SFMBT1: variants seen among roughly 807,000 people sequenced by gnomAD.
SFMBT1 encodes the protein scm-like with four MBT domains protein 1.
SFMBT1 carries 32 observed loss-of-function variants against 108.7 expected under a neutral mutation model. The observed-to-expected ratio is 0.29, with a 90% CI of 0.22 to 0.40. SFMBT1 has a LOEUF of 0.40. Ranked by LOEUF, SFMBT1 falls within the 10% of genes least tolerant of loss-of-function variation. The pLI is 1.00. For synonymous variants in SFMBT1, 348 were observed against 369.5 expected, an observed-to-expected ratio of 0.94 and a Z score of 0.67; for missense variants, 816 against 1,059.6, an observed-to-expected ratio of 0.77 and a Z score of 3.19.
At chr3:52,971,442 T>C (rs968354351) in intron 1 of SFMBT1, among the ~76,000 whole-genome samples, 3 of 151,954 alleles carry the variant, frequency 2.0e-5, no homozygotes, top group Non-Finnish European at 4.4e-5. Flanking sequence ...AACTTGAGAG[T>C]GATGTTTAAG....
intron 14 of SFMBT1, among the ~76,000 whole-genome samples, chr3:52,914,456 G>C (rs1702293466): frequency 6.6e-6 from 1 of 152,204 alleles, no homozygotes; most frequent in South Asian, 2.1e-4. Flanking sequence ...GCCAGGTGTT[G>C]TGGCTCATGC....
At chr3:52,991,143 C>T (rs13064820) in intron 1 of SFMBT1, among the ~76,000 whole-genome samples, 1 of 152,058 alleles carries the variant, frequency 6.6e-6, no homozygotes, top group African/African-American at 2.4e-5. Context: ...GCTGGTGACT[C>T]TAAAAGTTAG....
At chr3:52,993,623 A>G (rs1370402473) in intron 1 of SFMBT1, among the ~76,000 whole-genome samples, 2 of 150,118 alleles carry the variant, frequency 1.3e-5, no homozygotes, top group Non-Finnish European at 3.0e-5. Context: ...ACAACTATGT[A>G]GAAACACTAC....
At chr3:52,937,257 T>C (rs1176162199) in intron 4 of SFMBT1, among the ~76,000 whole-genome samples, 1 of 152,194 alleles carries the variant, frequency 6.6e-6, no homozygotes, top group Admixed American at 6.5e-5. Context: ...GATTTTTTCT[T>C]TGCATTTTTT....
At chr3:53,032,159 CA>C (rs1699707900) in intron 1 of SFMBT1, among the ~76,000 whole-genome samples, 1 of 152,194 alleles carries the variant, frequency 6.6e-6, no homozygotes, top group South Asian at 2.1e-4. Context: ...TGTTTGAGGT[CA>C]GGGGTTCAAG....
At chr3:53,019,592 C>T (rs1038291810) in intron 1 of SFMBT1, among the ~76,000 whole-genome samples, 1 of 152,178 alleles carries the variant, frequency 6.6e-6, no homozygotes, top group African/African-American at 2.4e-5. Context: ...CTGTTGATGG[C>T]TTCCTCATCC....
intron 2 of SFMBT1, among the ~76,000 whole-genome samples, chr3:52,955,072 G>A (rs564687482): frequency 6.6e-6 from 1 of 152,216 alleles, no homozygotes; most frequent in African/African-American, 2.4e-5. Context: ...GAATAGAACT[G>A]AAGGAGATAG....
At chr3:52,963,962 G>C (rs889778275) in intron 2 of SFMBT1, among the ~76,000 whole-genome samples, 1 of 152,160 alleles carries the variant, frequency 6.6e-6, no homozygotes, top group Non-Finnish European at 1.5e-5. Flanking sequence ...AAAGGGAAGA[G>C]ATACAAGCAT....
chr3:52,923,881 T>C (rs1702583735), intron 10 of SFMBT1, among the ~76,000 whole-genome samples: 1 of 148,286 alleles, frequency 6.7e-6, no homozygotes, highest in African/African-American at 2.6e-5. Context: ...AGAAAGAAAG[T>C]GCCCACTGAG....
chr3:52,913,681 A>G (rs1702269218), intron 14 of SFMBT1, 64 bp from the exon 15 acceptor site: 1 of 1,566,280 alleles, frequency 6.4e-7, no homozygotes, highest in African/African-American at 1.4e-5. Flanking sequence ...TCCAAAGCTG[A>G]ACTGCCAGGG....
chr3:52,968,544 A>C (rs1296569929), intron 2 of SFMBT1, among the ~76,000 whole-genome samples: 2 of 152,170 alleles, frequency 1.3e-5, no homozygotes, highest in Non-Finnish European at 2.9e-5. Flanking sequence ...ATAACTAGAA[A>C]GTAATCATCA....
At chr3:52,945,810 C>CAAAAAAAAA (rs200165393) in intron 3 of SFMBT1, among the ~76,000 whole-genome samples, 1 of 111,886 alleles carries the variant, frequency 8.9e-6, no homozygotes. Flanking sequence ...GACTCCATCT[C>CAAAAAAAAA]AAAAAAAAAA....
At chr3:53,001,010 T>C (rs1040975819) in intron 1 of SFMBT1, among the ~76,000 whole-genome samples, 1 of 150,072 alleles carries the variant, frequency 6.7e-6, no homozygotes, top group African/African-American at 2.4e-5. Context: ...CTTTGAATAA[T>C]GGATATTTGG....
chr3:52,980,789 A>T (rs1305960572), intron 1 of SFMBT1, among the ~76,000 whole-genome samples: 1 of 152,212 alleles, frequency 6.6e-6, no homozygotes, highest in African/African-American at 2.4e-5. Context: ...ATGTGGGTGC[A>T]CGACTGCTGT....
At chr3:52,930,020 T>C (rs548915634) in intron 8 of SFMBT1, among the ~76,000 whole-genome samples, 1 of 152,292 alleles carries the variant, frequency 6.6e-6, no homozygotes, top group South Asian at 2.1e-4. Context: ...ACTTTACAGA[T>C]ACCCTGGCCT....
intron 1 of SFMBT1, among the ~76,000 whole-genome samples, chr3:52,975,992 T>C (rs1553639987): frequency 6.6e-6 from 1 of 152,016 alleles, no homozygotes. Flanking sequence ...ACCTGGGTGA[T>C]AGAGCAAGAC....
At chr3:52,977,586 GA>G (rs1443710721) in intron 1 of SFMBT1, among the ~76,000 whole-genome samples, 4 of 152,278 alleles carry the variant, frequency 2.6e-5, no homozygotes, top group Non-Finnish European at 5.9e-5. Flanking sequence ...TCCACAAGAT[GA>G]AAGTTAAAAA....
intron 1 of SFMBT1, among the ~76,000 whole-genome samples, chr3:53,039,656 A>G (rs1699972340): frequency 6.6e-6 from 1 of 152,194 alleles, no homozygotes; most frequent in Admixed American, 6.5e-5. Context: ...CCATACGTTT[A>G]CAGAGTCTCT....
intron 17 of SFMBT1, among the ~76,000 whole-genome samples, chr3:52,908,208 G>A (rs1378833824): frequency 6.6e-6 from 1 of 151,642 alleles, no homozygotes; most frequent in African/African-American, 2.4e-5. Flanking sequence ...TGAGTAGCTG[G>A]GATTACAGGC....
Sources: gnomAD v4.1 joint callset for allele counts (sites outside exome capture counted in the v4.1 genomes callset) on GRCh38, gnomAD v4.1.1 for gene constraint, MANE v1.5 for transcripts, NCBI Gene and HGNC (gene_info 2026-07-23, HGNC 2026-07-21) for gene names.